The following PRDM11 variants were observed in gnomAD, a reference collection of about 807,000 sequenced individuals.
The protein encoded by PRDM11 is PR/SET domain 11, also known as PR domain-containing protein 11.
A neutral mutation model predicts 97.8 loss-of-function variants in PRDM11; 20 were observed. The ratio of observed to expected loss-of-function variants is 0.20; its 90% CI spans 0.14 to 0.30. PRDM11 has a LOEUF of 0.30. Among genes scored for constraint, PRDM11 ranks in the 10% least tolerant of loss-of-function variants. The pLI is 1.00. For synonymous variants in PRDM11, 599 were observed against 637.7 expected, an observed-to-expected ratio of 0.94 and a Z score of 0.91; for missense variants, 1,139 against 1,555.2, an observed-to-expected ratio of 0.73 and a Z score of 4.50.
At chr11:45,149,733 T>C (rs1444765190) in intron 1 of PRDM11, among the ~76,000 whole-genome samples, 2 of 152,262 alleles carry the variant, frequency 1.3e-5, no homozygotes, top group Non-Finnish European at 2.9e-5. Context: ...GCTGCCAGCC[T>C]GAGTCCCTGT....
rs112036522 is a variant in PRDM11 at position 45,181,136 on chromosome 11, G to A, written c.-6-625G>A. Among the ~76,000 whole-genome samples, 795 of 152,310 alleles carry A rather than the reference G, an allele frequency of 5.2e-3. 7 individuals carry two copies. Among genetic ancestry groups the A allele is most frequent in the African/African-American group, 0.018 (730 of 41,596 alleles). On this transcript the variant is annotated intron_variant, in intron 1 of 7. Coordinates refer to ENST00000683152, the MANE Select transcript of PRDM11 (RefSeq NM_001384648.1). ...ATGAGGACCCCGGGGTGCCGAGGGA[G>A]GGGCTGAAGCCCGGCGCGGTGGTGG...
chr11:45,143,298 C>T (rs1021857427), upstream of PRDM11, among the ~76,000 whole-genome samples: 1 of 152,146 alleles, frequency 6.6e-6, no homozygotes, highest in Non-Finnish European at 1.5e-5. Flanking sequence ...TTGGAGCTAA[C>T]AGGAAGTATT....
At chr11:45,212,201 G>A (rs1386683476) in intron 5 of PRDM11, among the ~76,000 whole-genome samples, 3 of 152,128 alleles carry the variant, frequency 2.0e-5, no homozygotes, top group Middle Eastern at 6.4e-3. Context: ...GGTGGGCCAC[G>A]GTCTCCAAGT....
At chr11:45,154,536 C>T (rs1851742323) in intron 1 of PRDM11, among the ~76,000 whole-genome samples, 1 of 152,088 alleles carries the variant, frequency 6.6e-6, no homozygotes, top group Admixed American at 6.5e-5. Context: ...ATAGCTGCTG[C>T]CCATCCTGCT....
intron 1 of PRDM11, among the ~76,000 whole-genome samples, chr11:45,127,064 C>G (rs1007292866): frequency 2.6e-5 from 4 of 152,116 alleles, no homozygotes; most frequent in African/African-American, 7.2e-5. Flanking sequence ...CTAAACTTCC[C>G]TTCTCGCTTC....
chr11:45,123,098 G>C (rs975575428), intron 1 of PRDM11, among the ~76,000 whole-genome samples: 3 of 152,054 alleles, frequency 2.0e-5, no homozygotes, highest in Non-Finnish European at 4.4e-5. Flanking sequence ...GGCCAGTGAT[G>C]ATGAGCATTT....
intron 1 of PRDM11, among the ~76,000 whole-genome samples, chr11:45,098,301 G>C (rs1263178186): frequency 6.6e-6 from 1 of 152,188 alleles, no homozygotes; most frequent in East Asian, 1.9e-4. Context: ...GGCCAATGTT[G>C]GCCTTGACAT....
chr11:45,102,749 G>A (rs1851999680), intron 1 of PRDM11, among the ~76,000 whole-genome samples: 1 of 152,220 alleles, frequency 6.6e-6, no homozygotes, highest in Admixed American at 6.5e-5. Flanking sequence ...TGCTGGAAAC[G>A]CCAGGCGAGC....
chr11:45,162,579 T>C (rs561078855), intron 1 of PRDM11, among the ~76,000 whole-genome samples: 13 of 152,286 alleles, frequency 8.5e-5, no homozygotes, highest in Admixed American at 3.3e-4. Flanking sequence ...TGAGCACTTA[T>C]GTGGCAGGCA....
At chr11:45,169,841 C>T (rs1852158814) in intron 1 of PRDM11, among the ~76,000 whole-genome samples, 1 of 152,210 alleles carries the variant, frequency 6.6e-6, no homozygotes, top group Non-Finnish European at 1.5e-5. Context: ...CTCTTCCTAA[C>T]TTTGGTTTTG....
intron 1 of PRDM11, among the ~76,000 whole-genome samples, chr11:45,175,798 A>T (rs1414414906): frequency 6.6e-6 from 1 of 151,938 alleles, no homozygotes; most frequent in Non-Finnish European, 1.5e-5. Context: ...TGAAGTACTA[A>T]TTTCCCCTAC....
At chr11:45,161,214 C>T (rs565842037) in intron 1 of PRDM11, among the ~76,000 whole-genome samples, 2 of 152,332 alleles carry the variant, frequency 1.3e-5, no homozygotes, top group African/African-American at 4.8e-5. Context: ...TGCAGACACA[C>T]AGTAAATGCC....
At chr11:45,140,184 G>A (rs1298865974) in intron 1 of PRDM11, among the ~76,000 whole-genome samples, 1 of 152,194 alleles carries the variant, frequency 6.6e-6, no homozygotes, top group Non-Finnish European at 1.5e-5. Context: ...TGAAAACAAT[G>A]CTACATTGCT....
At chr11:45,180,713 G>C (rs1320770699) in intron 1 of PRDM11, among the ~76,000 whole-genome samples, 1 of 149,856 alleles carries the variant, frequency 6.7e-6, no homozygotes, top group Non-Finnish European at 1.5e-5. Flanking sequence ...GCCGGGCCGG[G>C]CAGGGAGCTC....
chr11:45,160,084 C>T (rs982268024), intron 1 of PRDM11, among the ~76,000 whole-genome samples: 2 of 152,174 alleles, frequency 1.3e-5, no homozygotes, highest in Non-Finnish European at 2.9e-5. Context: ...ACTCTTGATG[C>T]GAGTAGAGAG....
intron 1 of PRDM11, among the ~76,000 whole-genome samples, chr11:45,101,442 G>A (rs1259819276): frequency 1.3e-5 from 2 of 152,038 alleles, no homozygotes; most frequent in Admixed American, 6.5e-5. Flanking sequence ...TGTAGTCCCA[G>A]CCACTCAGGA....
chr11:45,135,678 C>T (rs1028675401), intron 1 of PRDM11, among the ~76,000 whole-genome samples: 4 of 152,128 alleles, frequency 2.6e-5, no homozygotes, highest in East Asian at 1.9e-4. Flanking sequence ...GACTTAAATA[C>T]GATGGAAAAA....
At chr11:45,111,089 T>A (rs548015781) in intron 1 of PRDM11, among the ~76,000 whole-genome samples, 18 of 152,276 alleles carry the variant, frequency 1.2e-4, no homozygotes, top group Middle Eastern at 3.4e-3. Flanking sequence ...CACTTGCAAC[T>A]CTGGGAGGTG....
At chr11:45,147,663 G>C (rs1015314008) in intron 1 of PRDM11, 1 of 152,288 alleles carries the variant, frequency 6.6e-6, no homozygotes, top group Non-Finnish European at 1.5e-5. Context: ...TAGGCGAGTC[G>C]CTGCAAAGAG....
Sources: gnomAD v4.1 joint callset for allele counts (sites outside exome capture counted in the v4.1 genomes callset) on GRCh38, gnomAD v4.1.1 for gene constraint, MANE v1.5 for transcripts, NCBI Gene and HGNC (gene_info 2026-07-23, HGNC 2026-07-21) for gene names.